Variants in TENM2 observed in about 807,000 individuals in gnomAD.
TENM2 encodes teneurin-2.
TENM2 carries 52 observed loss-of-function variants against 245.2 expected under a neutral mutation model. The observed-to-expected ratio is 0.21, with a 90% CI of 0.17 to 0.27. The LOEUF is 0.27. Among genes scored for constraint, TENM2 ranks in the 10% least tolerant of loss-of-function variants. The pLI, the probability that TENM2 is intolerant of heterozygous loss-of-function variation, is 1.00. For missense variants in TENM2, 3,046 were observed against 3,666.8 expected (o/e 0.83, Z 4.37); for synonymous variants, 1,363 against 1,438.9 (o/e 0.95, Z 1.19).
Position 168,169,733 on chromosome 5 carries a change from G to C in TENM2, c.2569+6976G>C, listed in dbSNP as rs959583527. Among the ~76,000 whole-genome samples the C allele has an allele frequency of 2.6e-5, 4 of 152,220 alleles. No homozygotes were observed. The South Asian group carries it at 8.3e-4, about 31-fold the overall frequency. ...ATAGTCCAGTTTCTTCCTCCAATGA[G>C]ACACAAAGCTTGGTGAACCCACTGT... On this transcript the variant is annotated intron_variant, in intron 13 of 28. Coordinates refer to ENST00000518659, the Ensembl canonical transcript of TENM2.
At chr5:167,877,205 C>A (rs1421988) in intron 3 of TENM2, among the ~76,000 whole-genome samples, 69,861 of 151,896 alleles carry the variant, frequency 0.46, 17,620 homozygotes, top group Non-Finnish European at 0.56. Flanking sequence ...GGTCTTGATG[C>A]GATTGTGTTT....
chr5:167,921,607 G>T lies in TENM2; in HGVS notation c.713-30981G>T, dbSNP rs552296790. ...GTCAGCCTCTTAACAAGACCCCCAG[G>T]TGGTACATAACTGTTTGAGAAATGA... On this transcript the variant is annotated intron_variant, in intron 3 of 28. Transcript: ENST00000518659. 2.6e-5 allele frequency among the ~76,000 whole-genome samples: 4 copies of T among 152,244 alleles called. No individual in the cohort carries two copies. The South Asian group carries it at 8.3e-4, about 32-fold the overall frequency.
At chr5:167,890,843 T>C (rs1252715846) in intron 3 of TENM2, among the ~76,000 whole-genome samples, 1 of 152,160 alleles carries the variant, frequency 6.6e-6, no homozygotes, top group Non-Finnish European at 1.5e-5. Context: ...ATAATCTCCA[T>C]CTCCATGTTG....
chr5:167,585,828 G>T (rs1449158638), intron 2 of TENM2, among the ~76,000 whole-genome samples: 1 of 152,056 alleles, frequency 6.6e-6, no homozygotes, highest in Non-Finnish European at 1.5e-5. Context: ...CTGAAAATAA[G>T]AATAATAAAA....
At chr5:167,185,692 G>T in the TENM2 span, among the ~76,000 whole-genome samples, 1 of 151,242 alleles carries the variant, frequency 6.6e-6, no homozygotes, top group Non-Finnish European at 1.5e-5. Flanking sequence ...GATGTCATTT[G>T]GTTCCATTTC....
At chr5:167,153,403 G>T in the TENM2 span, among the ~76,000 whole-genome samples, 6 of 152,092 alleles carry the variant, frequency 3.9e-5, no homozygotes. Flanking sequence ...AAATGGAAGT[G>T]GATGATCATA....
At chr5:167,122,750 C>T in the TENM2 span, among the ~76,000 whole-genome samples, 1 of 152,138 alleles carries the variant, frequency 6.6e-6, no homozygotes, top group Non-Finnish European at 1.5e-5. Context: ...ATCCCCAAAT[C>T]ATTAAGATTT....
rs139698033 is a variant in TENM2, at chr5:167,394,170, G to C, written c.502+18697G>C. Among the ~76,000 whole-genome samples the C allele has an allele frequency of 1.3e-3, 202 of 152,194 alleles. 8 individuals carry two copies. In the East Asian group the frequency reaches 0.028, roughly 21 times the overall value. On this transcript the variant is annotated intron_variant, in intron 2 of 28. Transcript: ENST00000518659. The stretch of plus-strand genomic sequence containing the variant: ...ATTTTTGCTTTTATTGCTTGTGCCC[G>C]TGATGTCATGTTCAAGAAATCTTTG...
At chr5:167,020,451 A>G in the TENM2 span, among the ~76,000 whole-genome samples, 124 of 152,340 alleles carry the variant, frequency 8.1e-4, no homozygotes, top group African/African-American at 2.9e-3. Context: ...CTATTCTGCA[A>G]CCATTGGGCC....
chr5:167,939,354 G>T (rs2151756881), intron 3 of TENM2, among the ~76,000 whole-genome samples: 2 of 152,300 alleles, frequency 1.3e-5, no homozygotes, highest in Middle Eastern at 3.4e-3. Flanking sequence ...GATGTGACAG[G>T]AGGCGGAGCT....
chr5:167,097,531 A>C, the TENM2 span, among the ~76,000 whole-genome samples: 3 of 152,116 alleles, frequency 2.0e-5, no homozygotes, highest in Admixed American at 1.3e-4. Flanking sequence ...AGGGTGCACA[A>C]AAAAAAACGG....
chr5:167,542,262 G>T (rs141464088), intron 2 of TENM2, among the ~76,000 whole-genome samples: 185 of 152,256 alleles, frequency 1.2e-3, no homozygotes, highest in African/African-American at 4.3e-3. Context: ...CTAAGAAGGC[G>T]CTTTGTATTG....
intron 2 of TENM2, among the ~76,000 whole-genome samples, chr5:167,642,929 A>G (rs1779705978): frequency 6.6e-6 from 1 of 152,166 alleles, no homozygotes; most frequent in Non-Finnish European, 1.5e-5. Context: ...TTGCCCCTAC[A>G]TGTAAATCAC....
chr5:167,432,469 C>T (rs1428134149), intron 2 of TENM2, among the ~76,000 whole-genome samples: 1 of 151,724 alleles, frequency 6.6e-6, no homozygotes, highest in African/African-American at 2.4e-5. Flanking sequence ...TCATTAGTGC[C>T]CAATTTGTTT....
intron 2 of TENM2, among the ~76,000 whole-genome samples, chr5:167,573,069 CTCTT>C (rs1774383453): frequency 9.9e-6 from 1 of 101,070 alleles, no homozygotes; most frequent in Admixed American, 1.1e-4. Flanking sequence ...TTGGTGTGGG[CTCTT>C]TTTTTTTTTC....
chr5:167,251,086 G>GA, the TENM2 span, among the ~76,000 whole-genome samples: 2 of 151,984 alleles, frequency 1.3e-5, no homozygotes, highest in Non-Finnish European at 1.5e-5. Context: ...TCCCTGAAAA[G>GA]AAAAAAGTGC....
At position 167,760,755 on chromosome 5, in the gene TENM2, G is replaced by A. The variant is rs375438124; in HGVS notation, c.503-115231G>A. Among the ~76,000 whole-genome samples, 8 of 152,322 alleles carry A rather than the reference G, an allele frequency of 5.3e-5. No individual in the cohort carries two copies. In the South Asian group the frequency reaches 8.3e-4, roughly 16 times the overall value. ...TGCAACCTCTGCCTCCCAAGTTCAA[G>A]TGATTCTCCTGCCTCAGCCTCCTGA... On this transcript the variant is annotated intron_variant, in intron 2 of 28. Coordinates refer to ENST00000518659, the Ensembl canonical transcript of TENM2.
intron 13 of TENM2, among the ~76,000 whole-genome samples, chr5:168,164,438 T>C (rs920247012): frequency 6.6e-6 from 1 of 152,096 alleles, no homozygotes; most frequent in African/African-American, 2.4e-5. Flanking sequence ...TCTCCATTTA[T>C]TGGAATACAG....
chr5:167,256,188 T>C, the TENM2 span, among the ~76,000 whole-genome samples: 1 of 152,186 alleles, frequency 6.6e-6, no homozygotes, highest in Non-Finnish European at 1.5e-5. Context: ...CTGCATGCAA[T>C]GCAAGTGAAT....
Sources: gnomAD v4.1 joint callset for allele counts (sites outside exome capture counted in the v4.1 genomes callset) on GRCh38, gnomAD v4.1.1 for gene constraint, MANE v1.5 for transcripts, NCBI Gene and HGNC (gene_info 2026-07-23, HGNC 2026-07-21) for gene names.